Variants in CDIN1 observed in about 807,000 individuals in gnomAD.
The protein encoded by CDIN1 is CDAN1 interacting nuclease 1, also known as CDAN1-interacting nuclease 1.
A neutral mutation model predicts 45.3 loss-of-function variants in CDIN1; 33 were observed. The ratio of observed to expected loss-of-function variants is 0.73; its 90% CI spans 0.55 to 0.97. The LOEUF is 0.97. Ranked by LOEUF, CDIN1 falls within the 50% of genes least tolerant of loss-of-function variation. The pLI is 0.00. For synonymous variants in CDIN1, 118 were observed against 124.4 expected, an observed-to-expected ratio of 0.95 and a Z score of 0.34; for missense variants, 303 against 339.4, an observed-to-expected ratio of 0.89 and a Z score of 0.84.
At chr15:36,772,869 C>G (rs549338291) in intron 10 of CDIN1, among the ~76,000 whole-genome samples, 1 of 152,168 alleles carries the variant, frequency 6.6e-6, no homozygotes, top group African/African-American at 2.4e-5. Context: ...TGGATTGATT[C>G]CTAAAGAGAG....
Position 36,654,149 on chromosome 15 carries a change from G to T in CDIN1, c.264G>T (p.Leu88=), listed in dbSNP as rs1406378393. 3 of 1,570,504 alleles carry T rather than the reference G, an allele frequency of 1.9e-6. No homozygotes were observed. The African/African-American group carries it at 4.0e-5, about 21-fold the overall frequency. ...KNGAAPVLLD[L]ANEVDYAPSL... ...GAGCTGCCCCAGTGCTCCTGGACCTGGCCAATGAGGTAATGTTATTGTTAT... is the reference window on the plus strand; with the variant it reads ...GAGCTGCCCCAGTGCTCCTGGACCTTGCCAATGAGGTAATGTTATTGTTAT... Residue 88 remains leucine, a synonymous_variant, in exon 4 of 11, where the codon CTG becomes CTT. Transcript: ENST00000566621.
intron 8 of CDIN1, among the ~76,000 whole-genome samples, chr15:36,698,044 G>C (rs2042499585): frequency 6.6e-6 from 1 of 152,080 alleles, no homozygotes; most frequent in African/African-American, 2.4e-5. Flanking sequence ...ATGGTAATTT[G>C]TAAAGGTTTC....
intron 10 of CDIN1, among the ~76,000 whole-genome samples, chr15:36,761,119 A>G (rs985063658): frequency 2.6e-5 from 4 of 152,272 alleles, no homozygotes; most frequent in Non-Finnish European, 5.9e-5. Flanking sequence ...TAACAATTAG[A>G]AAGTTGTATG....
At chr15:36,783,615 G>C (rs2054408030) in intron 10 of CDIN1, among the ~76,000 whole-genome samples, 1 of 152,034 alleles carries the variant, frequency 6.6e-6, no homozygotes, top group South Asian at 2.1e-4. Context: ...CATAACTTTA[G>C]GACCCAAAAA....
chr15:36,679,500 C>T (rs776751980), intron 5 of CDIN1, among the ~76,000 whole-genome samples: 2 of 152,114 alleles, frequency 1.3e-5, no homozygotes, highest in Admixed American at 6.5e-5. Context: ...AGCCAGGCCT[C>T]GAACCAAGTC....
intron 10 of CDIN1, among the ~76,000 whole-genome samples, chr15:36,802,190 A>G (rs1212509937): frequency 1.3e-5 from 2 of 152,218 alleles, no homozygotes; most frequent in African/African-American, 4.8e-5. Flanking sequence ...CTTCATCTGT[A>G]AAATGAGGAT....
intron 10 of CDIN1, among the ~76,000 whole-genome samples, chr15:36,768,379 G>T (rs1901721): frequency 0.83 from 126,013 of 152,114 alleles, 53,993 homozygotes; most frequent in East Asian, 0.96. Flanking sequence ...AAATAATCCA[G>T]TGCCAACACT....
At chr15:36,591,233 T>TA (rs1248810920) in intron 1 of CDIN1, among the ~76,000 whole-genome samples, 1 of 152,146 alleles carries the variant, frequency 6.6e-6, no homozygotes, top group East Asian at 1.9e-4. Flanking sequence ...TGGCACTTTT[T>TA]AAAAAAAATT....
At chr15:36,750,117 G>C (rs1454653535) in intron 10 of CDIN1, among the ~76,000 whole-genome samples, 2 of 152,074 alleles carry the variant, frequency 1.3e-5, no homozygotes, top group Non-Finnish European at 2.9e-5. Flanking sequence ...GGGCACAGGA[G>C]AGGGGAAGAA....
intron 5 of CDIN1, among the ~76,000 whole-genome samples, chr15:36,671,466 C>T (rs960679677): frequency 6.6e-6 from 1 of 151,972 alleles, no homozygotes; most frequent in Non-Finnish European, 1.5e-5. Flanking sequence ...ATCATTCTGA[C>T]ATATTGTGTG....
At chr15:36,681,610 A>G (rs551768128) in intron 5 of CDIN1, among the ~76,000 whole-genome samples, 5 of 152,308 alleles carry the variant, frequency 3.3e-5, no homozygotes, top group South Asian at 2.1e-4. Context: ...GCACACAGTG[A>G]TGAAACCATT....
chr15:36,752,409 G>A (rs1336011677), intron 10 of CDIN1, among the ~76,000 whole-genome samples: 1 of 152,190 alleles, frequency 6.6e-6, no homozygotes, highest in Non-Finnish European at 1.5e-5. Flanking sequence ...GACAAAGAAC[G>A]CTATCTGTTT....
chr15:36,771,977 A>G (rs1457824083), intron 10 of CDIN1, among the ~76,000 whole-genome samples: 1 of 152,098 alleles, frequency 6.6e-6, no homozygotes, highest in Non-Finnish European at 1.5e-5. Flanking sequence ...ACTCACAGCA[A>G]CTGACTGAAT....
rs966235795 is a variant in CDIN1 at position 36,579,811 on chromosome 15, C to T, written c.-50C>T. 1.4e-6 allele frequency: 2 copies of T among 1,480,532 alleles called. No individual in the cohort carries two copies. The highest frequency in any genetic ancestry group is 1.4e-5 in the African/African-American group (1 of 71,880). The allele number at this position is 1,480,532 out of a possible 1,614,324, so 91.7% of individuals were successfully genotyped here. On this transcript the variant is annotated 5_prime_UTR_variant, in exon 1 of 11. Coordinates refer to ENST00000566621, the MANE Select transcript of CDIN1 (RefSeq NM_001321759.2). ...CCCTCGGCACCAAGGCTACTTGAGC[C>T]CCAGGGTGTTTTTTCCTTGTTCCCG...
intron 1 of CDIN1, among the ~76,000 whole-genome samples, chr15:36,596,553 T>C (rs1406003734): frequency 6.6e-6 from 1 of 152,132 alleles, no homozygotes; most frequent in Non-Finnish European, 1.5e-5. Context: ...TCAAAATGAA[T>C]GTAAAAAAAA....
intron 5 of CDIN1, among the ~76,000 whole-genome samples, chr15:36,681,343 T>G (rs541175756): frequency 6.6e-6 from 1 of 151,982 alleles, no homozygotes; most frequent in Non-Finnish European, 1.5e-5. Flanking sequence ...TTTAGTGAAT[T>G]CTAGGGTGAC....
intron 10 of CDIN1, among the ~76,000 whole-genome samples, chr15:36,803,629 G>T (rs566231670): frequency 6.6e-6 from 1 of 152,280 alleles, no homozygotes; most frequent in Admixed American, 6.5e-5. Flanking sequence ...TTTTATTTGT[G>T]TGGAATCAAA....
Position 36,709,207 on chromosome 15 carries a change from T to C in CDIN1, c.545-16T>C, listed in dbSNP as rs774686550. 1.2e-5 allele frequency: 19 copies of C among 1,585,970 alleles called. No individual in the cohort carries two copies. The highest frequency in any genetic ancestry group is 1.5e-5 in the Non-Finnish European group (18 of 1,167,192). ...TGAATAGTGTTTTAAGTAAATAGTG[T>C]TTGTTCTTCCTGTAGATGAAGATCA... On this transcript the variant is annotated splice_polypyrimidine_tract_variant and intron_variant, in intron 8 of 10. Transcript: ENST00000566621.
intron 5 of CDIN1, among the ~76,000 whole-genome samples, chr15:36,668,706 C>G (rs1478704282): frequency 1.3e-5 from 2 of 152,044 alleles, no homozygotes; most frequent in Non-Finnish European, 2.9e-5. Flanking sequence ...TTCTTTTTAC[C>G]TAAATCTCAC....
Sources: allele counts gnomAD v4.1 joint callset (sites outside exome capture counted in the v4.1 genomes callset), GRCh38; gene constraint gnomAD v4.1.1; transcripts MANE v1.5; gene names NCBI Gene and HGNC (gene_info 2026-07-23, HGNC 2026-07-21).